Variants in DOCK7 observed in about 807,000 individuals in gnomAD.
DOCK7 encodes the protein dedicator of cytokinesis protein 7.
A neutral mutation model predicts 271.0 loss-of-function variants in DOCK7; 138 were observed. The ratio of observed to expected loss-of-function variants is 0.51; its 90% confidence interval spans 0.44 to 0.59. DOCK7 has a LOEUF of 0.59. Ranked by LOEUF, DOCK7 falls within the 20% of genes least tolerant of loss-of-function variation. DOCK7 has a pLI of 0.00. For missense variants in DOCK7, 2,066 were observed against 2,592.4 expected (o/e 0.80, Z 4.41); for synonymous variants, 823 against 876.1 (o/e 0.94, Z 1.07).
At chr1:62,552,218 G>C (rs1469740649) in intron 22 of DOCK7, among the ~76,000 whole-genome samples, 1 of 151,852 alleles carries the variant, frequency 6.6e-6, no homozygotes, top group African/African-American at 2.4e-5. Context: ...ATGTGTGTGG[G>C]GGGTGGGGGA....
chr1:62,667,216 G>C (rs952192422), intron 1 of DOCK7, among the ~76,000 whole-genome samples: 1 of 152,244 alleles, frequency 6.6e-6, no homozygotes, highest in Non-Finnish European at 1.5e-5. Flanking sequence ...AATAAGGAGA[G>C]TTCATACTAA....
chr1:62,507,533 G>A (rs1646978206), intron 35 of DOCK7, among the ~76,000 whole-genome samples: 2 of 152,204 alleles, frequency 1.3e-5, no homozygotes, highest in Admixed American at 1.3e-4. Context: ...ACAGAATACT[G>A]CCCAGAGGGC....
Position 62,633,597 on chromosome 1 carries a change from G to A in DOCK7, c.1036-19C>T. On this transcript the variant is annotated intron_variant, in intron 9 of 49. Coordinates refer to ENST00000635253, the MANE Select transcript of DOCK7 (RefSeq NM_001367561.1). ...TTTCTAGCTGTCAAAGGCAAAAAAA[G>A]TTAAGATTAAGCTTTTAAAAGCCTG... 3 of 1,587,984 alleles carry A rather than the reference G, an allele frequency of 1.9e-6. No homozygotes were observed. Among genetic ancestry groups the A allele is most frequent in the Non-Finnish European group, 2.6e-6 (3 of 1,158,124 alleles).
chr1:62,482,963 AG>A (rs994141310), intron 43 of DOCK7: 7 of 152,166 alleles, frequency 4.6e-5, no homozygotes, highest in African/African-American at 1.4e-4. Context: ...TCCGAAAAAA[AG>A]AAACCACATC....
At chr1:62,617,970 T>C (rs1287248505) in intron 14 of DOCK7, among the ~76,000 whole-genome samples, 1 of 152,048 alleles carries the variant, frequency 6.6e-6, no homozygotes, top group African/African-American at 2.4e-5. Context: ...CCTCAGGAAC[T>C]TGGTAAATGG....
intron 29 of DOCK7, among the ~76,000 whole-genome samples, 172 bp from the exon 30 acceptor site, chr1:62,529,618 A>G (rs1335482020): frequency 6.6e-6 from 1 of 152,230 alleles, no homozygotes; most frequent in African/African-American, 2.4e-5. Flanking sequence ...ATTTTAAAAT[A>G]AATGTATAAA....
rs1024976223 is a variant in DOCK7, at chr1:62,467,678, AAAG to A, written c.6212+6301_6212+6303del. ...CACAGCTGAATTCTACCAGACATTC[AAAG>A]AAGAACTGGTACCAATCCTATTGAC... On this transcript the variant is annotated intron_variant, in intron 48 of 49. Coordinates refer to ENST00000635253, the MANE Select transcript of DOCK7 (RefSeq NM_001367561.1). Among the ~76,000 whole-genome samples, 123 of 152,356 alleles carry A rather than the reference AAAG, an allele frequency of 8.1e-4. 1 individual carries two copies. Among genetic ancestry groups the A allele is most frequent in the South Asian group, 8.3e-4 (4 of 4,828 alleles).
At chr1:62,568,605 T>TAAAAA (rs549578355) in intron 18 of DOCK7, among the ~76,000 whole-genome samples, 14 of 46,252 alleles carry the variant, frequency 3.0e-4, no homozygotes, top group Non-Finnish European at 4.5e-4. Flanking sequence ...GTGCCCTGCC[T>TAAAAA]AAAAAAAAAA....
chr1:62,658,486 C>A (rs923430999), intron 2 of DOCK7, among the ~76,000 whole-genome samples: 2 of 151,838 alleles, frequency 1.3e-5, no homozygotes, highest in African/African-American at 4.8e-5. Context: ...AAAACAAAAT[C>A]TTGAAAGCAG....
chr1:62,542,739 C>A lies in DOCK7; in HGVS notation c.2950-36G>T. On this transcript the variant is annotated intron_variant, in intron 24 of 49. Transcript: ENST00000635253. ...GTAAATCCAAAGTTATTATCAAAGT[C>A]AAATCTGCTGATAACATAAACCAAA... 4 of 1,576,976 alleles carry A rather than the reference C, an allele frequency of 2.5e-6. No homozygotes were observed. The South Asian group carries it at 4.5e-5, about 18-fold the overall frequency.
chr1:62,540,448 C>T (rs1379936093), intron 25 of DOCK7, among the ~76,000 whole-genome samples: 5 of 152,134 alleles, frequency 3.3e-5, no homozygotes, highest in Admixed American at 3.3e-4. Context: ...GTTGGGATTA[C>T]AGGCATGTAA....
At chr1:62,598,229 T>C (rs1649582163) in intron 14 of DOCK7, among the ~76,000 whole-genome samples, 1 of 152,066 alleles carries the variant, frequency 6.6e-6, no homozygotes, top group Non-Finnish European at 1.5e-5. Context: ...AATTTCAAGT[T>C]AGTTTTTTGT....
At chr1:62,485,224 C>T in intron 43 of DOCK7, 2 of 985,292 alleles carry the variant, frequency 2.0e-6, no homozygotes, top group Non-Finnish European at 2.4e-6. Flanking sequence ...CACTAAACAG[C>T]CATTAAAGAA....
chr1:62,655,484 G>C (rs1466442484), intron 2 of DOCK7, among the ~76,000 whole-genome samples: 1 of 150,466 alleles, frequency 6.6e-6, no homozygotes, highest in African/African-American at 2.5e-5. Flanking sequence ...GAGTGCAATG[G>C]TGCAATTTCA....
chr1:62,559,049 G>T lies in DOCK7; in HGVS notation c.2371C>A (p.Leu791Ile), dbSNP rs146210506. 313 of 1,613,698 alleles carry T rather than the reference G, an allele frequency of 1.9e-4. No homozygotes were observed. The highest frequency in any genetic ancestry group is 2.3e-4 in the Non-Finnish European group (273 of 1,179,904). Residue 791 changes from leucine to isoleucine, a missense_variant, in exon 20 of 50, where the codon CTT becomes ATT. By Grantham distance (5) the Leu-to-Ile change is conservative (BLOSUM62 2). This residue lies in a region of DOCK7 where 1,414 missense variants were observed against 1,670.4 expected (regional missense o/e 0.85). Coordinates refer to ENST00000635253, the MANE Select transcript of DOCK7 (RefSeq NM_001367561.1). ...QLEPVVRFLH[L>I]LLDKLILLVI... is the part of the protein sequence containing the mutation. Reference sequence around the variant, plus strand: ...AAAAGTATCAGTTTATCTAGCAGAAGATGAAGAAATCGGACCACTGGTTCC... The same window carrying T: ...AAAAGTATCAGTTTATCTAGCAGAATATGAAGAAATCGGACCACTGGTTCC...
chr1:62,539,447 T>A lies in DOCK7; in HGVS notation c.3300+98A>T, dbSNP rs1645454480. On this transcript the variant is annotated intron_variant, in intron 27 of 49. Transcript: ENST00000635253. ...GCTACTTTTTGTTTTAACATCAGTA[T>A]ATAAATGTGCTCTTAAGGTCTCTTA... The A allele has an allele frequency of 2.9e-6, 3 of 1,036,956 alleles. No individual in the cohort carries two copies. In the Admixed American group the frequency reaches 7.3e-5, roughly 25 times the overall value. 64.2% of individuals were successfully genotyped at this position (1,036,956 alleles called of 1,614,324 possible). A position where few individuals can be genotyped will look rare whatever the true frequency, so the allele number is the denominator to read the frequency against.
intron 15 of DOCK7, among the ~76,000 whole-genome samples, chr1:62,583,750 G>C (rs1343240366): frequency 2.0e-5 from 3 of 151,990 alleles, no homozygotes; most frequent in Non-Finnish European, 4.4e-5. Flanking sequence ...TTTCCTTCAA[G>C]CTACTCTACA....
chr1:62,590,803 C>T (rs574220958), intron 14 of DOCK7, among the ~76,000 whole-genome samples: 1 of 152,166 alleles, frequency 6.6e-6, no homozygotes, highest in East Asian at 1.9e-4. Flanking sequence ...CCATCTCACA[C>T]CAGTCAGAAT....
chr1:62,524,117 T>C (rs1284593305), intron 31 of DOCK7, among the ~76,000 whole-genome samples: 1 of 152,126 alleles, frequency 6.6e-6, no homozygotes, highest in Non-Finnish European at 1.5e-5. Flanking sequence ...ATCATACTTA[T>C]GGAAAAGTGC....
Sources: allele counts gnomAD v4.1 joint callset (sites outside exome capture counted in the v4.1 genomes callset), GRCh38; gene constraint gnomAD v4.1.1; regional missense constraint gnomAD v4.1.1; transcripts MANE v1.5; gene names NCBI Gene and HGNC (gene_info 2026-07-23, HGNC 2026-07-21).